The following NF1 variants were observed in gnomAD, a reference collection of about 807,000 sequenced individuals.
NF1 encodes neurofibromin.
Under a neutral mutation model 325.7 loss-of-function variants are expected in NF1, and 122 were observed. That is an observed-to-expected ratio of 0.37 (90% confidence interval 0.32 to 0.44). The LOEUF is 0.44. Among genes scored for constraint, NF1 ranks in the 20% least tolerant of loss-of-function variants. The probability of loss-of-function intolerance (pLI) is 1.00; values close to 1 mark genes in which losing one functional copy is unlikely to be tolerated. For missense variants in NF1, 2,140 were observed against 3,415.4 expected (o/e 0.63, Z 9.31); for synonymous variants, 1,091 against 1,186.0 (o/e 0.92, Z 1.65).
rs535270434 is a variant in NF1 at position 31,152,500 on chromosome 17, G to A, written c.61-3483G>A. 3.2e-3 allele frequency among the ~76,000 whole-genome samples: 443 copies of A among 140,474 alleles called. 3 individuals are homozygous for A. Among genetic ancestry groups the A allele is most frequent in the African/African-American group, 0.011 (398 of 37,616 alleles). 92.2% of individuals were successfully genotyped at this position (140,474 alleles called of 152,430 possible). A position where few individuals can be genotyped will look rare whatever the true frequency, so the allele number is the denominator to read the frequency against. ...CTTTATTGTAAATTTTTATTATCTC[G>A]TATGTAATTTCTTTTTTATATTACA... On this transcript the variant is annotated intron_variant, in intron 1 of 57. Coordinates refer to ENST00000358273, the MANE Select transcript of NF1 (RefSeq NM_001042492.3).
At chr17:31,373,072 A>G (rs1340187132) in intron 57 of NF1, among the ~76,000 whole-genome samples, 1 of 152,216 alleles carries the variant, frequency 6.6e-6, no homozygotes, top group Non-Finnish European at 1.5e-5. Context: ...TCTCCTCCTC[A>G]AGAGAAATAA....
intron 36 of NF1, among the ~76,000 whole-genome samples, chr17:31,293,152 T>A (rs187033676): frequency 9.0e-6 from 1 of 111,136 alleles, no homozygotes; most frequent in Non-Finnish European, 1.7e-5. Context: ...CACTCCAGCC[T>A]GGGGGATAAG....
At chr17:31,130,494 G>A (rs1915278593) in intron 1 of NF1, among the ~76,000 whole-genome samples, 1 of 152,110 alleles carries the variant, frequency 6.6e-6, no homozygotes, top group Non-Finnish European at 1.5e-5. Context: ...CACTGGTGGT[G>A]GTGTTAGCAC....
At chr17:31,303,112 A>G (rs890040061) in intron 36 of NF1, among the ~76,000 whole-genome samples, 1 of 152,216 alleles carries the variant, frequency 6.6e-6, no homozygotes, top group Non-Finnish European at 1.5e-5. Context: ...AGTGCTATGA[A>G]TAAATGCTAT....
intron 1 of NF1, among the ~76,000 whole-genome samples, chr17:31,105,290 A>G (rs1286784668): frequency 6.6e-6 from 1 of 152,226 alleles, no homozygotes; most frequent in Non-Finnish European, 1.5e-5. Flanking sequence ...TACTAAAATG[A>G]AGAATTGGCA....
chr17:31,095,504 G>C (rs1911588726), intron 1 of NF1, 135 bp downstream of exon 1: 1 of 784,754 alleles, frequency 1.3e-6, no homozygotes, highest in Admixed American at 3.0e-5. Context: ...GGAAGAGAAG[G>C]GAAGGGGGGA....
chr17:31,197,571 G>A (rs781725586), intron 8 of NF1, among the ~76,000 whole-genome samples: 2 of 152,006 alleles, frequency 1.3e-5, no homozygotes, highest in African/African-American at 4.8e-5. Flanking sequence ...GCTATCGTAA[G>A]TGGAATTGTT....
chr17:31,242,314 T>C (rs2067311743), intron 29 of NF1, among the ~76,000 whole-genome samples: 2 of 133,098 alleles, frequency 1.5e-5, no homozygotes, highest in Non-Finnish European at 3.2e-5. Context: ...TCTTTTTTTT[T>C]TTTTTTTTTT....
At chr17:31,358,067 T>G (rs113091699) in intron 54 of NF1, 40 of 201,042 alleles carry the variant, frequency 2.0e-4, no homozygotes, top group African/African-American at 9.0e-4. Context: ...AAATTTAATT[T>G]TTTTCTTTTT....
intron 37 of NF1, among the ~76,000 whole-genome samples, chr17:31,326,987 CGTG>C (rs1567612084): frequency 9.7e-5 from 4 of 41,388 alleles, no homozygotes; most frequent in Non-Finnish European, 4.0e-4. Flanking sequence ...AGTGCAGTGG[CGTG>C]ATCTCAGAGT....
rs12103595 is a variant in NF1 at position 31,247,126 on chromosome 17, C to T, written c.3975-1858C>T. Among the ~76,000 whole-genome samples the T allele has an allele frequency of 7.9e-3, 1,144 of 145,074 alleles. 19 individuals carry two copies. Among genetic ancestry groups the T allele is most frequent in the African/African-American group, 0.028 (1,100 of 39,024 alleles). On this transcript the variant is annotated intron_variant, in intron 29 of 57. Coordinates refer to ENST00000358273, the MANE Select transcript of NF1 (RefSeq NM_001042492.3). ...CAGGAGAATTGCTTGAACCTGGAGG[C>T]GGAGGTTGCAGTGAGCCGAGATTGT...
intron 36 of NF1, among the ~76,000 whole-genome samples, chr17:31,290,813 C>G (rs984780474): frequency 6.6e-6 from 1 of 152,130 alleles, no homozygotes; most frequent in African/African-American, 2.4e-5. Flanking sequence ...CAAGACCAGC[C>G]TGGCCAACAT....
At chr17:31,165,787 T>C (rs1424041008) in intron 4 of NF1, among the ~76,000 whole-genome samples, 1 of 152,150 alleles carries the variant, frequency 6.6e-6, no homozygotes, top group Non-Finnish European at 1.5e-5. Context: ...CCTCCTGGGC[T>C]CAAGAGATCC....
intron 36 of NF1, among the ~76,000 whole-genome samples, chr17:31,289,062 T>C (rs1174565713): frequency 6.6e-6 from 1 of 152,130 alleles, no homozygotes; most frequent in South Asian, 2.1e-4. Flanking sequence ...TATTTATAAA[T>C]TCAGATAAAG....
At chr17:31,146,641 T>A (rs1916608833) in intron 1 of NF1, among the ~76,000 whole-genome samples, 1 of 152,252 alleles carries the variant, frequency 6.6e-6, no homozygotes, top group African/African-American at 2.4e-5. Flanking sequence ...TTTGTTTTTA[T>A]CTTTTTTCTT....
intron 50 of NF1, among the ~76,000 whole-genome samples, chr17:31,350,808 T>C (rs934354388): frequency 1.5e-4 from 23 of 152,316 alleles, no homozygotes; most frequent in African/African-American, 5.5e-4. Flanking sequence ...TGGGTTTGGG[T>C]AGTATATTTT....
At chr17:31,241,557 A>G (rs2067297746) in intron 29 of NF1, among the ~76,000 whole-genome samples, 1 of 152,172 alleles carries the variant, frequency 6.6e-6, no homozygotes, top group African/African-American at 2.4e-5. Flanking sequence ...TGCCAATAAT[A>G]TTTTATGAGC....
chr17:31,221,176 GT>G (rs984935822), intron 14 of NF1, among the ~76,000 whole-genome samples: 1 of 151,322 alleles, frequency 6.6e-6, no homozygotes, highest in East Asian at 1.9e-4. Flanking sequence ...AAGAGTTTGT[GT>G]TTTTTTTATA....
At chr17:31,310,704 G>A (rs2068850158) in intron 36 of NF1, among the ~76,000 whole-genome samples, 3 of 151,786 alleles carry the variant, frequency 2.0e-5, no homozygotes, top group Admixed American at 2.0e-4. Flanking sequence ...ATGTACCCGT[G>A]TACGTTTTAT....
Sources: gnomAD v4.1 joint callset for allele counts (sites outside exome capture counted in the v4.1 genomes callset) on GRCh38, gnomAD v4.1.1 for gene constraint, MANE v1.5 for transcripts, NCBI Gene and HGNC (gene_info 2026-07-23, HGNC 2026-07-21) for gene names.